The following RALB variants were observed in gnomAD, a reference collection of about 807,000 sequenced individuals.
RALB encodes the protein RAS like proto-oncogene B.
RALB carries 16 observed loss-of-function variants against 21.3 expected under a neutral mutation model. The ratio of observed to expected loss-of-function variants is 0.75; its 90% CI spans 0.51 to 1.14. The LOEUF is 1.14. Ranked by LOEUF, RALB falls within the 50% of genes most tolerant of loss-of-function variation. RALB has a pLI of 0.00. For synonymous variants in RALB, 93 were observed against 96.1 expected, an observed-to-expected ratio of 0.97 and a Z score of 0.19; for missense variants, 161 against 256.2, an observed-to-expected ratio of 0.63 and a Z score of 2.54.
At chr2:120,246,065 A>G (rs566383428) in intron 1 of RALB, among the ~76,000 whole-genome samples, 80 of 152,202 alleles carry the variant, frequency 5.3e-4, no homozygotes, top group African/African-American at 1.8e-3. Flanking sequence ...CGAGCCTCTG[A>G]CCCTTTGGCC....
chr2:120,245,713 C>T (rs1032145383), intron 1 of RALB, among the ~76,000 whole-genome samples: 2 of 152,076 alleles, frequency 1.3e-5, no homozygotes, highest in African/African-American at 4.8e-5. Context: ...CAAGGAGGCC[C>T]CTCCCCCGGG....
Position 120,294,219 on chromosome 2 carries a change from T to G in RALB, c.*959T>G. The G allele has an allele frequency of 2.5e-6, 1 of 398,588 alleles. No homozygotes were observed. The allele number at this position is 398,588 out of a possible 1,614,324, so 24.7% of individuals were successfully genotyped here. A position where few individuals can be genotyped will look rare whatever the true frequency, so the allele number is the denominator to read the frequency against. ...TTCCCAAAGACGTGATGAGTTAAAG[T>G]TGTATTCTGAAATCATGAAGCCAGA... On this transcript the variant is annotated 3_prime_UTR_variant, in exon 5 of 5. Coordinates refer to ENST00000272519, the MANE Select transcript of RALB (RefSeq NM_002881.3).
Position 120,247,437 on chromosome 2 carries a change from A to G in RALB, c.19+7312A>G, listed in dbSNP as rs151164262. 9.6e-4 allele frequency among the ~76,000 whole-genome samples: 146 copies of G among 152,300 alleles called. 4 individuals carry two copies. In the East Asian group the frequency reaches 0.024, roughly 26 times the overall value. On this transcript the variant is annotated intron_variant, in intron 1 of 3. Transcript: ENST00000447591. ...GGGCCTCTGACTTTCTAAGAGAGCA[A>G]TTCCCAGGAACATCTGGTGAGTGCC...
chr2:120,253,855 C>T, intron 1 of RALB: 1 of 296,740 alleles, frequency 3.4e-6, no homozygotes, highest in African/African-American at 2.3e-5. Flanking sequence ...GAACAGTGCA[C>T]TTTCTGCTCT....
chr2:120,289,760 A>G lies in RALB; in HGVS notation c.501+3A>G, dbSNP rs1189367791. ...AGACCCGGGCCAACGTGGACAAGGTAGGCGTGAATTCTGTGTATTTCTCAG... is the reference window on the plus strand; with the variant it reads ...AGACCCGGGCCAACGTGGACAAGGTGGGCGTGAATTCTGTGTATTTCTCAG... On this transcript the variant is annotated splice_donor_region_variant and intron_variant, in intron 4 of 4. Transcript: ENST00000272519. 5.0e-6 allele frequency: 8 copies of G among 1,597,968 alleles called. No homozygotes were observed. The highest frequency in any genetic ancestry group is 6.8e-6 in the Non-Finnish European group (8 of 1,170,706).
intron 1 of RALB, among the ~76,000 whole-genome samples, chr2:120,261,279 G>C (rs1689359240): frequency 6.6e-6 from 1 of 152,138 alleles, no homozygotes; most frequent in Non-Finnish European, 1.5e-5. Flanking sequence ...GCAGGAAGAA[G>C]GGTAGTGGTA....
intron 1 of RALB, chr2:120,253,871 G>T: frequency 4.0e-6 from 1 of 250,386 alleles, no homozygotes; most frequent in Non-Finnish European, 6.3e-6. Context: ...GCTCTGTCCT[G>T]GTTTCCTAAC....
At position 120,289,630 on chromosome 2, in the gene RALB, T is replaced by C. The variant is rs1207242365; in HGVS notation, c.374T>C (p.Val125Ala). Residue 125 changes from valine (V) to alanine (A), a missense_variant, in exon 4 of 5, where the codon GTC becomes GCC. Val to Ala is a moderately conservative substitution (Grantham distance 64). Coordinates refer to ENST00000272519, the MANE Select transcript of RALB (RefSeq NM_002881.3). ...KAEEDKIPLLVVGNKSDLEER... is the reference protein window; with the variant it reads ...KAEEDKIPLLAVGNKSDLEER... ...GAAGAAGATAAAATTCCACTGCTCG[T>C]CGTGGGAAACAAGTCTGACCTAGAG... 6 of 1,614,052 alleles carry C rather than the reference T, an allele frequency of 3.7e-6. No individual in the cohort carries two copies. Among genetic ancestry groups the C allele is most frequent in the Non-Finnish European group, 5.1e-6 (6 of 1,180,002 alleles).
intron 2 of RALB, among the ~76,000 whole-genome samples, chr2:120,284,373 A>G (rs1372956496): frequency 6.6e-6 from 1 of 151,196 alleles, no homozygotes; most frequent in Non-Finnish European, 1.5e-5. Flanking sequence ...TGTAATGCAC[A>G]TATGAAATTC....
intron 2 of RALB, among the ~76,000 whole-genome samples, chr2:120,283,696 T>C (rs2104649747): frequency 6.6e-6 from 1 of 152,370 alleles, no homozygotes; most frequent in African/African-American, 2.4e-5. Context: ...ACTTTCAGTC[T>C]CTGGCAGCTT....
At chr2:120,247,088 G>A (rs561904389) in intron 1 of RALB, among the ~76,000 whole-genome samples, 17 of 152,284 alleles carry the variant, frequency 1.1e-4, no homozygotes, top group South Asian at 2.1e-4. Context: ...CCTGGAGGTC[G>A]GTACCAGATC....
At chr2:120,248,637 C>A (rs902987066), upstream of RALB, among the ~76,000 whole-genome samples, 6 of 152,174 alleles carry the variant, frequency 3.9e-5, no homozygotes, top group African/African-American at 1.2e-4. Context: ...GCCCAATCTC[C>A]CCACCACAGC....
chr2:120,264,557 A>G (rs1689451618), intron 1 of RALB, among the ~76,000 whole-genome samples: 2 of 15,478 alleles, frequency 1.3e-4, no homozygotes, highest in South Asian at 2.8e-3. Context: ...CTGTCCCACA[A>G]CTGTAGTTGG....
chr2:120,266,655 G>GA (rs1360733079), intron 1 of RALB, among the ~76,000 whole-genome samples: 3 of 152,168 alleles, frequency 2.0e-5, no homozygotes, highest in African/African-American at 7.2e-5. Flanking sequence ...AGGCTGTAGT[G>GA]AGTCATGATC....
intron 1 of RALB, among the ~76,000 whole-genome samples, chr2:120,245,513 C>G (rs1688956306): frequency 6.6e-6 from 1 of 152,218 alleles, no homozygotes; most frequent in Non-Finnish European, 1.5e-5. Flanking sequence ...TTCTACCTGT[C>G]TGGGGTCAAG....
At chr2:120,257,254 G>A (rs79410432) in intron 1 of RALB, among the ~76,000 whole-genome samples, 12,313 of 152,202 alleles carry the variant, frequency 0.081, 650 homozygotes, top group Non-Finnish European at 0.12. Flanking sequence ...AAATTTTGGG[G>A]AACCTAAACC....
rs1690347701 is a variant in RALB, at chr2:120,293,178, A to T, written c.539A>T (p.Lys180Met). 1 of 1,613,670 alleles carries T rather than the reference A, an allele frequency of 6.2e-7. No homozygotes were observed. Among genetic ancestry groups the T allele is most frequent in the Non-Finnish European group, 8.5e-7 (1 of 1,179,842 alleles). Residue 180 changes from lysine (K) to methionine (M), a missense_variant, in exon 5 of 5, where the codon AAG becomes ATG. Lys to Met is a moderately conservative substitution (Grantham distance 95). Transcript: ENST00000272519. ...CTAATGAGAGAAATCAGAACAAAGA[A>T]GATGTCAGAAAACAAAGACAAGAAT... ...FDLMREIRTKKMSENKDKNGK... is the reference protein window; with the variant it reads ...FDLMREIRTKMMSENKDKNGK...
At chr2:120,271,278 A>T (rs1689659517) in intron 1 of RALB, among the ~76,000 whole-genome samples, 1 of 152,214 alleles carries the variant, frequency 6.6e-6, no homozygotes, top group Non-Finnish European at 1.5e-5. Flanking sequence ...TCTCAAGTGA[A>T]TATATGTTCT....
At chr2:120,271,056 G>C (rs897895875) in intron 1 of RALB, among the ~76,000 whole-genome samples, 2 of 152,138 alleles carry the variant, frequency 1.3e-5, no homozygotes, top group African/African-American at 4.8e-5. Flanking sequence ...TTTCCCCTAG[G>C]TTTTCAGATT....
Sources: allele counts gnomAD v4.1 joint callset (sites outside exome capture counted in the v4.1 genomes callset), GRCh38; gene constraint gnomAD v4.1.1; transcripts MANE v1.5; gene names NCBI Gene and HGNC (gene_info 2026-07-23, HGNC 2026-07-21).